Variants in EDIL3 observed in about 807,000 individuals in gnomAD.
EDIL3 encodes the protein EGF-like repeat and discoidin I-like domain-containing protein 3.
Under a neutral mutation model 67.4 loss-of-function variants are expected in EDIL3, and 37 were observed. That is an observed-to-expected ratio of 0.55 (90% CI 0.42 to 0.72). The LOEUF is 0.72. Ranked by LOEUF, EDIL3 falls within the 30% of genes least tolerant of loss-of-function variation. The probability of loss-of-function intolerance (pLI) is 0.00; values close to 1 mark genes in which losing one functional copy is unlikely to be tolerated. For synonymous variants in EDIL3, 195 were observed against 196.3 expected (o/e 0.99, Z 0.05); for missense variants, 527 against 586.3 (o/e 0.90, Z 1.04).
At position 84,319,201 on chromosome 5, in the gene EDIL3, GGTGGCTCACGCCTGTAATCCCA is replaced by G. The variant is rs1182398067; in HGVS notation, c.68-65011_68-64990del. Among the ~76,000 whole-genome samples the G allele has an allele frequency of 5.7e-5, 7 of 122,382 alleles. 3 individuals are homozygous for G. The highest frequency in any genetic ancestry group is 1.3e-4 in the Non-Finnish European group (7 of 53,422). 80.3% of individuals were successfully genotyped at this position (122,382 alleles called of 152,430 possible). ...GAAATAGGAATGCTTGGCCGGGCGC[GGTGGCTCACGCCTGTAATCCCA>G]GCACTTTGGGAGGCCGAGGCGGGCG... On this transcript the variant is annotated intron_variant, in intron 1 of 10. Transcript: ENST00000296591.
At chr5:84,023,343 C>T (rs573885745) in intron 9 of EDIL3, among the ~76,000 whole-genome samples, 2 of 152,082 alleles carry the variant, frequency 1.3e-5, no homozygotes, top group East Asian at 1.9e-4. Context: ...GTAAGAATTA[C>T]TTATGATGTA....
intron 4 of EDIL3, among the ~76,000 whole-genome samples, 195 bp downstream of exon 4, chr5:84,180,198 T>C (rs527914550): frequency 6.6e-6 from 1 of 152,274 alleles, no homozygotes; most frequent in East Asian, 1.9e-4. Context: ...CCCATGCCAC[T>C]GGGAGGATTG....
At chr5:84,106,545 A>G in intron 6 of EDIL3, 104 bp downstream of exon 6, 4 of 1,367,136 alleles carry the variant, frequency 2.9e-6, no homozygotes, top group Non-Finnish European at 3.9e-6. Flanking sequence ...TCCTCTGACC[A>G]TAAGGAAGAG....
chr5:83,979,727 A>G (rs1744936720), intron 9 of EDIL3, among the ~76,000 whole-genome samples: 1 of 152,094 alleles, frequency 6.6e-6, no homozygotes, highest in South Asian at 2.1e-4. Flanking sequence ...TGCCATCATT[A>G]CCTTTTTCTT....
chr5:84,108,343 GAC>G (rs1453257365), intron 5 of EDIL3, among the ~76,000 whole-genome samples: 2 of 151,904 alleles, frequency 1.3e-5, no homozygotes. Context: ...TATTAGTAAA[GAC>G]AACATTAATA....
chr5:84,356,665 T>A (rs1747488383), intron 1 of EDIL3, among the ~76,000 whole-genome samples: 1 of 152,176 alleles, frequency 6.6e-6, no homozygotes, highest in Non-Finnish European at 1.5e-5. Context: ...TCCCTTTTAT[T>A]CAGGGAAGAA....
intron 3 of EDIL3, among the ~76,000 whole-genome samples, chr5:84,226,699 G>A (rs1046250517): frequency 1.3e-5 from 2 of 151,828 alleles, no homozygotes; most frequent in African/African-American, 4.8e-5. Flanking sequence ...ATCCATATGT[G>A]AAATTATGTA....
At chr5:84,205,095 TTG>T (rs1487284989) in intron 3 of EDIL3, among the ~76,000 whole-genome samples, 1 of 151,534 alleles carries the variant, frequency 6.6e-6, no homozygotes, top group Non-Finnish European at 1.5e-5. Context: ...TTTTTTTTTT[TTG>T]TAGAGATAGG....
chr5:84,293,237 C>T (rs1745964101), intron 1 of EDIL3, among the ~76,000 whole-genome samples: 1 of 152,100 alleles, frequency 6.6e-6, no homozygotes, highest in Non-Finnish European at 1.5e-5. Context: ...ACAATCAAAG[C>T]CGTTGATATA....
chr5:84,114,423 A>G (rs916348150), intron 5 of EDIL3, among the ~76,000 whole-genome samples: 8 of 152,142 alleles, frequency 5.3e-5, no homozygotes, highest in African/African-American at 1.9e-4. Context: ...ACACAGCCTT[A>G]GCTTCACTTA....
rs576799211 is a variant in EDIL3 at position 84,119,483 on chromosome 5, C to T, written c.470-12653G>A. On this transcript the variant is annotated intron_variant, in intron 5 of 10. Transcript: ENST00000296591. ...CTGGGGGAAATATAAACTATGGCTT[C>T]TTGTAATGAATGAAAATGAAATGAT... Among the ~76,000 whole-genome samples, 125 of 152,020 alleles carry T rather than the reference C, an allele frequency of 8.2e-4. 1 individual carries two copies. The East Asian group carries it at 0.022, about 26-fold the overall frequency.
chr5:84,240,354 A>G (rs568630955), intron 2 of EDIL3, among the ~76,000 whole-genome samples: 14 of 152,278 alleles, frequency 9.2e-5, no homozygotes, highest in South Asian at 4.1e-4. Flanking sequence ...TTATAGAGTC[A>G]TATTTCTGGG....
intron 6 of EDIL3, among the ~76,000 whole-genome samples, chr5:84,070,607 G>T (rs1746722082): frequency 4.9e-5 from 1 of 20,214 alleles, no homozygotes; most frequent in South Asian, 1.3e-3. Flanking sequence ...ATGGTTAAGA[G>T]TGTGTGTGTG....
At chr5:83,995,809 A>G (rs1042805193) in intron 9 of EDIL3, among the ~76,000 whole-genome samples, 2 of 152,172 alleles carry the variant, frequency 1.3e-5, no homozygotes, top group African/African-American at 4.8e-5. Flanking sequence ...AACTTTCATG[A>G]AGGCTGAATC....
At chr5:84,353,110 G>C (rs1747397846) in intron 1 of EDIL3, among the ~76,000 whole-genome samples, 1 of 152,118 alleles carries the variant, frequency 6.6e-6, no homozygotes, top group Non-Finnish European at 1.5e-5. Flanking sequence ...AATGTGAATA[G>C]CTGCTGCACC....
chr5:84,180,376 G>T lies in EDIL3; in HGVS notation c.355+17C>A. The T allele has an allele frequency of 6.4e-7, 1 of 1,567,632 alleles. No homozygotes were observed. Among genetic ancestry groups the T allele is most frequent in the South Asian group, 1.2e-5 (1 of 82,422 alleles). On this transcript the variant is annotated intron_variant, in intron 4 of 10. Transcript: ENST00000296591. Reference sequence around the variant, plus strand: ...TAATCAATAATAATAAAAGTACAATGACTATGAATAACTTACTGTGCTGAC... The same window carrying T: ...TAATCAATAATAATAAAAGTACAATTACTATGAATAACTTACTGTGCTGAC...
intron 1 of EDIL3, among the ~76,000 whole-genome samples, chr5:84,377,915 A>T (rs1215776492): frequency 6.6e-6 from 1 of 152,216 alleles, no homozygotes; most frequent in East Asian, 1.9e-4. Context: ...ATTCTAAGTC[A>T]CACACTATAA....
At chr5:84,059,464 T>G (rs1253611527) in intron 9 of EDIL3, among the ~76,000 whole-genome samples, 1 of 152,126 alleles carries the variant, frequency 6.6e-6, no homozygotes, top group African/African-American at 2.4e-5. Context: ...AAATTTCAGG[T>G]AACCTGGTAA....
chr5:84,011,046 T>A (rs371426368), intron 9 of EDIL3, among the ~76,000 whole-genome samples: 3 of 152,344 alleles, frequency 2.0e-5, no homozygotes, highest in African/African-American at 7.2e-5. Context: ...AGGTACCATC[T>A]ATGCTCCAGT....
Sources: allele counts gnomAD v4.1 joint callset (sites outside exome capture counted in the v4.1 genomes callset), GRCh38; gene constraint gnomAD v4.1.1; transcripts MANE v1.5; gene names NCBI Gene and HGNC (gene_info 2026-07-23, HGNC 2026-07-21).